Variants in PTPRT observed in about 807,000 individuals in gnomAD.
The protein encoded by PTPRT is receptor-type tyrosine-protein phosphatase T.
Under a neutral mutation model 176.8 loss-of-function variants are expected in PTPRT, and 56 were observed. That is an observed-to-expected ratio of 0.32 (90% CI 0.26 to 0.40). The LOEUF is 0.40. Among genes scored for constraint, PTPRT ranks in the 10% least tolerant of loss-of-function variants. The pLI, the probability that PTPRT is intolerant of heterozygous loss-of-function variation, is 1.00. For missense variants in PTPRT, 1,540 were observed against 1,908.2 expected, an observed-to-expected ratio of 0.81 and a Z score of 3.60; for synonymous variants, 783 against 739.0, an observed-to-expected ratio of 1.06 and a Z score of -0.96.
chr20:42,994,429 C>A (rs1250734692), intron 1 of PTPRT, among the ~76,000 whole-genome samples: 1 of 152,100 alleles, frequency 6.6e-6, no homozygotes, highest in Non-Finnish European at 1.5e-5. Context: ...TATGTATTAA[C>A]CCATTAGGAC....
chr20:43,067,165 A>T (rs546012659), intron 1 of PTPRT, among the ~76,000 whole-genome samples: 1 of 152,352 alleles, frequency 6.6e-6, no homozygotes, highest in East Asian at 1.9e-4. Flanking sequence ...GTACCGACAC[A>T]TGCTACAGTA....
intron 1 of PTPRT, among the ~76,000 whole-genome samples, chr20:43,061,936 T>C (rs1018656804): frequency 3.3e-5 from 5 of 152,194 alleles, no homozygotes; most frequent in Non-Finnish European, 5.9e-5. Context: ...GAAGGAACAA[T>C]TGACTGATAC....
intron 7 of PTPRT, among the ~76,000 whole-genome samples, chr20:42,513,187 T>C (rs931716890): frequency 1.3e-4 from 19 of 147,140 alleles, no homozygotes; most frequent in African/African-American, 4.6e-4. Context: ...TTTTCATATG[T>C]TCTCTATTGA....
chr20:43,007,125 A>G (rs1368877584), intron 1 of PTPRT, among the ~76,000 whole-genome samples: 1 of 152,196 alleles, frequency 6.6e-6, no homozygotes, highest in Non-Finnish European at 1.5e-5. Context: ...AAGTCAATCA[A>G]AAGGCTAAAC....
intron 1 of PTPRT, among the ~76,000 whole-genome samples, chr20:43,152,299 C>A (rs946717631): frequency 1.3e-5 from 2 of 152,166 alleles, no homozygotes; most frequent in Non-Finnish European, 2.9e-5. Flanking sequence ...TTGCTTCTGT[C>A]TTTTTCCCCT....
intron 2 of PTPRT, among the ~76,000 whole-genome samples, chr20:42,835,443 A>G (rs1407173317): frequency 6.6e-6 from 1 of 152,210 alleles, no homozygotes; most frequent in African/African-American, 2.4e-5. Context: ...GATGATATCC[A>G]AATGAAATAG....
intron 14 of PTPRT, among the ~76,000 whole-genome samples, chr20:42,242,707 C>T (rs1017691470): frequency 6.6e-6 from 1 of 152,112 alleles, no homozygotes; most frequent in African/African-American, 2.4e-5. Flanking sequence ...AATAGAAAAA[C>T]TAAAAAGCTA....
chr20:42,126,029 G>GT (rs1465248240), intron 19 of PTPRT, among the ~76,000 whole-genome samples: 5 of 151,430 alleles, frequency 3.3e-5, no homozygotes. Flanking sequence ...TGGGAGTGGG[G>GT]GGGGGGAGGG....
chr20:43,163,643 C>A (rs4810376), intron 1 of PTPRT, among the ~76,000 whole-genome samples: 104,938 of 150,382 alleles, frequency 0.7, 38,116 homozygotes, highest in Non-Finnish European at 0.8. Context: ...TTCTCAAAAA[C>A]AAAACAAAAC....
chr20:42,922,543 A>T (rs537027154), intron 1 of PTPRT, among the ~76,000 whole-genome samples: 84 of 152,172 alleles, frequency 5.5e-4, no homozygotes, highest in African/African-American at 1.7e-3. Context: ...TCTTCTCCAA[A>T]CCCGTTCCTC....
chr20:42,678,163 T>C lies in PTPRT; in HGVS notation c.860-4A>G, dbSNP rs760682667. On this transcript the variant is annotated splice_region_variant and splice_polypyrimidine_tract_variant and intron_variant, in intron 6 of 30. Coordinates refer to ENST00000373187, the MANE Select transcript of PTPRT (RefSeq NM_007050.6). ...GGAGCAATGGGCGTGGGAGGCTCTG[T>C]AAGACAAGCAATCAAAAAGGACTGT... is the stretch of plus-strand genomic sequence containing the variant. The C allele has an allele frequency of 1.2e-6, 2 of 1,610,466 alleles. No individual in the cohort carries two copies. The highest frequency in any genetic ancestry group is 8.5e-7 in the Non-Finnish European group (1 of 1,177,508).
At chr20:43,185,139 C>T (rs2015359501) in intron 1 of PTPRT, among the ~76,000 whole-genome samples, 1 of 152,216 alleles carries the variant, frequency 6.6e-6, no homozygotes, top group Admixed American at 6.5e-5. Flanking sequence ...TTTCTAATAT[C>T]TATGTGGTAT....
chr20:42,786,024 C>T (rs1465766700), intron 3 of PTPRT, among the ~76,000 whole-genome samples: 1 of 152,138 alleles, frequency 6.6e-6, no homozygotes, highest in Non-Finnish European at 1.5e-5. Context: ...TCTTGTGATA[C>T]TGAATGAGTT....
At chr20:42,342,960 T>A (rs2058133628) in intron 11 of PTPRT, among the ~76,000 whole-genome samples, 1 of 152,200 alleles carries the variant, frequency 6.6e-6, no homozygotes, top group South Asian at 2.1e-4. Context: ...CAGATTCTCA[T>A]CAGGAGGTGA....
chr20:42,878,343 A>C (rs208193), intron 2 of PTPRT, among the ~76,000 whole-genome samples: 49,222 of 152,148 alleles, frequency 0.32, 8,540 homozygotes, highest in African/African-American at 0.46. Flanking sequence ...ATACATATTT[A>C]TGCAAGTTTG....
In PTPRT at chr20:42,569,083, T is replaced by A. The variant is rs6093677; in HGVS notation, c.1154-96521A>T. 7.3e-3 allele frequency among the ~76,000 whole-genome samples: 246 copies of A among 33,866 alleles called. 1 individual carries two copies. Among genetic ancestry groups the A allele is most frequent in the Admixed American group, 9.0e-3 (19 of 2,114 alleles). 22.2% of individuals were successfully genotyped at this position (33,866 alleles called of 152,430 possible). On this transcript the variant is annotated intron_variant, in intron 7 of 30. Transcript: ENST00000373187. ...AAAAAAAAAAAAAAAAAAAAAAAAA[T>A]ATATATATATATATATATATATATA... is the stretch of plus-strand genomic sequence containing the variant.
chr20:42,142,944 A>G (rs1216271235), intron 17 of PTPRT, among the ~76,000 whole-genome samples: 1 of 152,178 alleles, frequency 6.6e-6, no homozygotes. Context: ...AGAAAAGTAG[A>G]AAGTGCTTTT....
intron 11 of PTPRT, among the ~76,000 whole-genome samples, chr20:42,331,208 G>C (rs1400456651): frequency 6.7e-6 from 1 of 149,314 alleles, no homozygotes; most frequent in African/African-American, 2.5e-5. Context: ...TACATGGTGA[G>C]AGGAGCAAAT....
chr20:42,435,631 G>A (rs1181784192), intron 9 of PTPRT, among the ~76,000 whole-genome samples: 1 of 152,096 alleles, frequency 6.6e-6, no homozygotes, highest in African/African-American at 2.4e-5. Context: ...TAAAATTAAG[G>A]TAATAAAACT....
Sources: allele counts gnomAD v4.1 joint callset (sites outside exome capture counted in the v4.1 genomes callset), GRCh38; gene constraint gnomAD v4.1.1; transcripts MANE v1.5; gene names NCBI Gene and HGNC (gene_info 2026-07-23, HGNC 2026-07-21).